COL23A1: variants seen among roughly 807,000 people sequenced by gnomAD.
COL23A1 encodes the protein collagen type XXIII alpha 1 chain.
Under a neutral mutation model 99.3 loss-of-function variants are expected in COL23A1, and 97 were observed. The ratio of observed to expected loss-of-function variants is 0.98; its 90% CI spans 0.83 to 1.16. The LOEUF is 1.16. COL23A1 is among the 50% of genes most tolerant of loss of function. COL23A1 has a pLI of 0.00. For missense variants in COL23A1, 762 were observed against 757.4 expected (o/e 1.01, Z -0.07); for synonymous variants, 320 against 308.2 (o/e 1.04, Z -0.40).
chr5:178,269,332 TATCCATCC>T (rs1561809574), intron 6 of COL23A1, among the ~76,000 whole-genome samples: 5 of 74,044 alleles, frequency 6.8e-5, no homozygotes, highest in African/African-American at 2.7e-4. Flanking sequence ...TCCATCCATG[TATCCATCC>T]ATCCATCCAC....
intron 1 of COL23A1, chr5:178,561,814 G>A (rs1762573732): frequency 8.9e-6 from 2 of 225,932 alleles, no homozygotes; most frequent in South Asian, 6.4e-5. Context: ...CTGCTTTAGA[G>A]GAGGAGAGAA....
intron 2 of COL23A1, among the ~76,000 whole-genome samples, chr5:178,422,011 T>C (rs532929188): frequency 2.0e-5 from 3 of 152,320 alleles, no homozygotes; most frequent in Admixed American, 6.5e-5. Context: ...CCATGGGTCA[T>C]GTCGGACATG....
intron 3 of COL23A1, among the ~76,000 whole-genome samples, chr5:178,305,991 G>C (rs879905411): frequency 6.6e-6 from 1 of 152,226 alleles, no homozygotes; most frequent in South Asian, 2.1e-4. Context: ...GTCCAACCTC[G>C]GGGACCCGGA....
intron 2 of COL23A1, among the ~76,000 whole-genome samples, chr5:178,474,201 A>G (rs4976783): frequency 0.22 from 33,874 of 152,140 alleles, 4,191 homozygotes; most frequent in Non-Finnish European, 0.28. Context: ...GGCTTTCATC[A>G]GACTCTCAAA....
At chr5:178,458,669 A>G (rs1581428050) in intron 2 of COL23A1, among the ~76,000 whole-genome samples, 3 of 151,952 alleles carry the variant, frequency 2.0e-5, no homozygotes, top group South Asian at 4.1e-4. Context: ...AAAACAAACA[A>G]ACAAACAAAC....
At chr5:178,416,786 G>A (rs1387548340) in intron 2 of COL23A1, among the ~76,000 whole-genome samples, 1 of 152,138 alleles carries the variant, frequency 6.6e-6, no homozygotes, top group Non-Finnish European at 1.5e-5. Flanking sequence ...GATGACCCCG[G>A]AATCTAGTTT....
At chr5:178,312,674 C>T (rs565219085) in intron 2 of COL23A1, among the ~76,000 whole-genome samples, 23 of 152,088 alleles carry the variant, frequency 1.5e-4, no homozygotes, top group African/African-American at 5.3e-4. Flanking sequence ...CCACCTCAGC[C>T]GCACTGGGGA....
intron 2 of COL23A1, among the ~76,000 whole-genome samples, chr5:178,435,331 T>C (rs767419768): frequency 2.0e-5 from 3 of 152,144 alleles, no homozygotes; most frequent in Non-Finnish European, 4.4e-5. Flanking sequence ...TTTGCAAACA[T>C]GGAGCTCAGG....
intron 4 of COL23A1, among the ~76,000 whole-genome samples, chr5:178,289,356 T>G (rs546235260): frequency 1.7e-3 from 259 of 152,316 alleles, no homozygotes; most frequent in Non-Finnish European, 1.6e-3. Context: ...TCCTTTGCCC[T>G]GGAGAATGAA....
At chr5:178,363,614 T>C (rs931869071) in intron 2 of COL23A1, among the ~76,000 whole-genome samples, 10 of 152,280 alleles carry the variant, frequency 6.6e-5, no homozygotes, top group African/African-American at 1.9e-4. Flanking sequence ...CCAAATACAC[T>C]GGAATTAAAC....
intron 2 of COL23A1, among the ~76,000 whole-genome samples, chr5:178,543,138 G>A (rs972535877): frequency 4.0e-5 from 6 of 149,734 alleles, no homozygotes; most frequent in African/African-American, 4.9e-5. Flanking sequence ...CCGGAGTTTC[G>A]CGCTTGTCGC....
At chr5:178,322,039 C>A (rs953736192) in intron 2 of COL23A1, among the ~76,000 whole-genome samples, 33 of 150,828 alleles carry the variant, frequency 2.2e-4, no homozygotes, top group African/African-American at 7.1e-4. Flanking sequence ...GTCACCCAGG[C>A]TGAAGTGCAG....
intron 2 of COL23A1, among the ~76,000 whole-genome samples, chr5:178,413,928 T>C (rs1765173426): frequency 6.6e-6 from 1 of 152,236 alleles, no homozygotes; most frequent in Non-Finnish European, 1.5e-5. Context: ...GATAAGGTCT[T>C]GGGAGCTCCT....
chr5:178,406,952 C>T (rs1244784557), intron 2 of COL23A1, among the ~76,000 whole-genome samples: 1 of 152,194 alleles, frequency 6.6e-6, no homozygotes, highest in Non-Finnish European at 1.5e-5. Flanking sequence ...AACCCCTAGA[C>T]ATTATATATA....
chr5:178,382,053 G>A (rs957850436), intron 2 of COL23A1, among the ~76,000 whole-genome samples: 7 of 151,726 alleles, frequency 4.6e-5, no homozygotes, highest in Non-Finnish European at 7.4e-5. Context: ...GACCAACAGA[G>A]ATGCCTATTT....
intron 2 of COL23A1, among the ~76,000 whole-genome samples, chr5:178,557,266 G>A (rs1762326710): frequency 6.6e-6 from 1 of 152,180 alleles, no homozygotes; most frequent in South Asian, 2.1e-4. Context: ...ATTGGATGTA[G>A]ACACACCCTA....
At chr5:178,541,242 C>T (rs1225735021) in intron 2 of COL23A1, among the ~76,000 whole-genome samples, 4 of 152,188 alleles carry the variant, frequency 2.6e-5, no homozygotes, top group Non-Finnish European at 4.4e-5. Flanking sequence ...GGGGAGGATG[C>T]AGAGCAACTG....
At chr5:178,435,852 G>A (rs552814961) in intron 2 of COL23A1, among the ~76,000 whole-genome samples, 10 of 152,310 alleles carry the variant, frequency 6.6e-5, no homozygotes, top group South Asian at 6.2e-4. Flanking sequence ...GCGCAGAATC[G>A]TCTAACACGA....
At chr5:178,483,323 A>G (rs1191540511) in intron 2 of COL23A1, among the ~76,000 whole-genome samples, 1 of 152,210 alleles carries the variant, frequency 6.6e-6, no homozygotes, top group Non-Finnish European at 1.5e-5. Context: ...GGAATTAAAA[A>G]AAAAAATCTT....
Sources: gnomAD v4.1 joint callset for allele counts (sites outside exome capture counted in the v4.1 genomes callset) on GRCh38, gnomAD v4.1.1 for gene constraint, MANE v1.5 for transcripts, NCBI Gene and HGNC (gene_info 2026-07-23, HGNC 2026-07-21) for gene names.